The following RGS7 variants were observed in gnomAD, a reference collection of about 807,000 sequenced individuals.
RGS7 encodes the protein regulator of G-protein signaling 7.
In RGS7, 27 loss-of-function variants were observed where a neutral mutation model predicts 81.1. That is an observed-to-expected ratio of 0.33 (90% confidence interval 0.25 to 0.46). RGS7 has a LOEUF of 0.46. Ranked by LOEUF, RGS7 falls within the 20% of genes least tolerant of loss-of-function variation. The probability of loss-of-function intolerance (pLI) is 1.00; values close to 1 mark genes in which losing one functional copy is unlikely to be tolerated. For missense variants in RGS7, 396 were observed against 607.4 expected (o/e 0.65, Z 3.66); for synonymous variants, 208 against 207.7 (o/e 1.00, Z -0.01).
At chr1:240,944,272 GTGTGTGTGTGTATA>G (rs61072802) in intron 4 of RGS7, among the ~76,000 whole-genome samples, 584 of 36,978 alleles carry the variant, frequency 0.016, 22 homozygotes, top group African/African-American at 0.03. Flanking sequence ...GTGTGTGTGT[GTGTGTGTGTGTATA>G]TATATATATA....
At chr1:240,907,065 G>T (rs997136967) in intron 6 of RGS7, among the ~76,000 whole-genome samples, 1 of 152,174 alleles carries the variant, frequency 6.6e-6, no homozygotes, top group Non-Finnish European at 1.5e-5. Flanking sequence ...GATTCCTGTA[G>T]ATCTCCGGAC....
intron 9 of RGS7, among the ~76,000 whole-genome samples, chr1:240,856,470 G>T (rs1661145296): frequency 6.6e-6 from 1 of 152,098 alleles, no homozygotes; most frequent in African/African-American, 2.4e-5. Context: ...AATCAACTGT[G>T]TAATGCACAG....
At chr1:240,818,608 C>T (rs1691234124) in intron 10 of RGS7, among the ~76,000 whole-genome samples, 1 of 152,182 alleles carries the variant, frequency 6.6e-6, no homozygotes, top group Admixed American at 6.5e-5. Context: ...GAACACTATT[C>T]AGCCTTTATA....
chr1:241,288,117 T>C (rs1023757188), intron 2 of RGS7, among the ~76,000 whole-genome samples: 3 of 152,196 alleles, frequency 2.0e-5, no homozygotes, highest in African/African-American at 7.2e-5. Context: ...TTACGACAAA[T>C]AGTGAGAATT....
At chr1:240,906,409 A>T (rs536929795) in intron 6 of RGS7, among the ~76,000 whole-genome samples, 1 of 152,152 alleles carries the variant, frequency 6.6e-6, no homozygotes, top group Non-Finnish European at 1.5e-5. Flanking sequence ...AGAGTGTTTC[A>T]TCTCGTGGTA....
chr1:241,206,105 A>G (rs1156683454), intron 2 of RGS7, among the ~76,000 whole-genome samples: 1 of 152,000 alleles, frequency 6.6e-6, no homozygotes, highest in African/African-American at 2.4e-5. Flanking sequence ...CATCCCCATT[A>G]TAATCACCCT....
intron 3 of RGS7, 80 bp downstream of exon 3, chr1:241,098,586 T>C (rs1365884748): frequency 7.6e-6 from 7 of 920,400 alleles, no homozygotes; most frequent in Non-Finnish European, 1.3e-5. Flanking sequence ...AGAGTTTCAA[T>C]AGTGAACAGC....
intron 2 of RGS7, among the ~76,000 whole-genome samples, chr1:241,250,216 T>C (rs977678703): frequency 3.9e-5 from 6 of 152,198 alleles, no homozygotes; most frequent in African/African-American, 9.6e-5. Flanking sequence ...ATATGTATTT[T>C]AGTATATCCT....
At chr1:241,170,261 G>C (rs2070631037) in intron 2 of RGS7, among the ~76,000 whole-genome samples, 1 of 152,090 alleles carries the variant, frequency 6.6e-6, no homozygotes, top group Non-Finnish European at 1.5e-5. Flanking sequence ...TGAAATAACA[G>C]ATAAACTTAA....
intron 10 of RGS7, among the ~76,000 whole-genome samples, chr1:240,819,877 G>A (rs4659581): frequency 0.76 from 115,156 of 152,192 alleles, 43,876 homozygotes; most frequent in African/African-American, 0.8. Context: ...CTTGTCTTAC[G>A]TAAAAGTCAA....
At position 241,124,050 on chromosome 1, in the gene RGS7, T is replaced by A. The variant is rs12121505; in HGVS notation, c.79-25288A>T. The stretch of plus-strand genomic sequence containing the variant: ...CACTCCAATTTCTTAGGTCAAGCAT[T>A]AATAAAGGGGTGGGGAAAAGCCAGG... On this transcript the variant is annotated intron_variant, in intron 2 of 18. Coordinates refer to ENST00000440928, the MANE Select transcript of RGS7 (RefSeq NM_001364886.1). 5.4e-3 allele frequency among the ~76,000 whole-genome samples: 829 copies of A among 152,176 alleles called. 6 individuals carry two copies. The highest frequency in any genetic ancestry group is 6.7e-3 in the Admixed American group (103 of 15,276).
intron 14 of RGS7, among the ~76,000 whole-genome samples, chr1:240,808,154 T>C (rs1689213783): frequency 6.6e-6 from 1 of 151,642 alleles, no homozygotes; most frequent in South Asian, 2.1e-4. Context: ...ATCAAAACAG[T>C]CTCTGTCCTC....
chr1:240,905,990 A>C (rs2148221770), intron 6 of RGS7, among the ~76,000 whole-genome samples: 1 of 152,304 alleles, frequency 6.6e-6, no homozygotes, highest in Middle Eastern at 3.4e-3. Context: ...ACCTGGAGCT[A>C]CTAATTTCCC....
intron 2 of RGS7, among the ~76,000 whole-genome samples, chr1:241,195,500 T>C (rs1301249999): frequency 6.6e-6 from 1 of 151,408 alleles, no homozygotes; most frequent in Non-Finnish European, 1.5e-5. Flanking sequence ...AATAAATAAA[T>C]AAAGATTTGA....
intron 2 of RGS7, among the ~76,000 whole-genome samples, chr1:241,142,206 A>G (rs893257181): frequency 6.6e-6 from 1 of 152,136 alleles, no homozygotes; most frequent in East Asian, 1.9e-4. Flanking sequence ...CTGAGTGCCT[A>G]CAGGTTTTCC....
chr1:241,196,193 T>C lies in RGS7; in HGVS notation c.79-97431A>G, dbSNP rs111972196. 2.0e-3 allele frequency among the ~76,000 whole-genome samples: 308 copies of C among 152,184 alleles called. 2 individuals are homozygous for C. The highest frequency in any genetic ancestry group is 6.9e-3 in the African/African-American group (287 of 41,554). ...TGAAACAATGGAAGCCAGAAGACAG[T>C]AGAAAGATATCTTTAGAAAGGGGTG... On this transcript the variant is annotated intron_variant, in intron 2 of 18. Transcript: ENST00000440928.
chr1:240,899,587 T>C, intron 6 of RGS7, among the ~76,000 whole-genome samples: 1 of 152,204 alleles, frequency 6.6e-6, no homozygotes, highest in East Asian at 1.9e-4. Flanking sequence ...GAAAATTCTT[T>C]TCTTTAAGAA....
chr1:240,919,945 G>A, intron 6 of RGS7: 2 of 1,308,084 alleles, frequency 1.5e-6, no homozygotes, highest in East Asian at 4.6e-5. Flanking sequence ...CAAAGACCAG[G>A]TGCCCACTTA....
chr1:240,960,663 C>T (rs1681281724), intron 4 of RGS7, among the ~76,000 whole-genome samples: 2 of 151,458 alleles, frequency 1.3e-5, no homozygotes. Flanking sequence ...ATTCCTTACC[C>T]GACCTATTTA....
Sources: gnomAD v4.1 joint callset for allele counts (sites outside exome capture counted in the v4.1 genomes callset) on GRCh38, gnomAD v4.1.1 for gene constraint, MANE v1.5 for transcripts, NCBI Gene and HGNC (gene_info 2026-07-23, HGNC 2026-07-21) for gene names.